Variants in ARHGEF1 observed in about 807,000 individuals in gnomAD.
ARHGEF1 encodes Rho guanine nucleotide exchange factor 1.
Under a neutral mutation model 119.7 loss-of-function variants are expected in ARHGEF1, and 40 were observed. The ratio of observed to expected loss-of-function variants is 0.33; its 90% CI spans 0.26 to 0.44. The LOEUF (loss-of-function observed/expected upper bound fraction) is 0.44. ARHGEF1 is among the 20% of genes least tolerant of loss of function. The pLI, the probability that ARHGEF1 is intolerant of heterozygous loss-of-function variation, is 1.00. For missense variants in ARHGEF1, 976 were observed against 1,268.3 expected (o/e 0.77, Z 3.50); for synonymous variants, 494 against 521.0 (o/e 0.95, Z 0.71).
downstream of ARHGEF1, chr19:41,909,053 C>T: frequency 8.1e-7 from 1 of 1,228,450 alleles, no homozygotes. The surrounding 1 kb of genome is among the most constrained non-coding windows in gnomAD (Gnocchi z 5.2). Flanking sequence ...AACCTCCAGG[C>T]TCTTACCAGA....
At position 41,905,811 on chromosome 19, in the gene ARHGEF1, G is replaced by A. The variant is rs2074684843; in HGVS notation, c.2388G>A (p.Glu796=). The A allele has an allele frequency of 1.2e-6, 2 of 1,614,060 alleles. No individual in the cohort carries two copies. Among genetic ancestry groups the A allele is most frequent in the Admixed American group, 3.3e-5 (2 of 60,002 alleles). Residue 796 remains glutamate (E), a synonymous_variant, in exon 25 of 29, where the codon GAG becomes GAA. Transcript: ENST00000354532. This position sits in a 1 kb window ranked among gnomAD's most constrained non-coding sequence, Gnocchi z 6.4. Reference sequence around the variant, plus strand: ...CTGAGAACGGCAATGGTGGCCGAGAGACGTCTCCAGCTGATGGTGAGACCA... The same window carrying A: ...CTGAGAACGGCAATGGTGGCCGAGAAACGTCTCCAGCTGATGGTGAGACCA... The part of the protein sequence containing the change: ...SSSENGNGGR[E]TSPADARTER...
downstream of ARHGEF1, among the ~76,000 whole-genome samples, chr19:41,912,448 T>A (rs1390161056): frequency 6.6e-6 from 1 of 152,198 alleles, no homozygotes; most frequent in African/African-American, 2.4e-5. Context: ...TACCCCTGAC[T>A]GGGCAGTGCC....
chr19:41,927,870 G>A (rs1326068288), intron 1 of ARHGEF1, among the ~76,000 whole-genome samples: 4 of 151,494 alleles, frequency 2.6e-5, no homozygotes, highest in Non-Finnish European at 4.4e-5. Context: ...GTTGGGCGCT[G>A]CCCCACCTGC....
At position 41,904,983 on chromosome 19, in the gene ARHGEF1, C is replaced by T. The variant is rs2145862430; in HGVS notation, c.2196C>T (p.Asp732=). The T allele has an allele frequency of 6.2e-7, 1 of 1,614,110 alleles. No individual in the cohort carries two copies. The change falls in exon 23 of 29, where the codon GAC becomes GAT. Residue 732 remains aspartate (D), a synonymous_variant. Transcript: ENST00000354532. The surrounding 1 kb of genome is among the most constrained non-coding windows in gnomAD (Gnocchi z 8.4). ...HKAFYVLFTW[D]QEAQIYELVA... The stretch of plus-strand genomic sequence containing the variant: ...CCTTCTACGTCCTTTTTACCTGGGA[C>T]CAGGAGGCCCAGATATACGAGCTGG...
intron 18 of ARHGEF1, among the ~76,000 whole-genome samples, chr19:41,915,485 C>CGTCTCTGTGTCCCCAT (rs1167207766): frequency 1.9e-4 from 29 of 151,698 alleles, no homozygotes; most frequent in African/African-American, 6.8e-4. Context: ...TGTGTCCCCA[C>CGTCTCTGTGTCCCCAT]GTCTCTGTGT....
Position 41,897,301 on chromosome 19 carries a change from C to T in ARHGEF1, c.1121+819C>T, listed in dbSNP as rs782163504. On this transcript the variant is annotated intron_variant, in intron 13 of 28. Transcript: ENST00000354532. Reference sequence around the variant, plus strand: ...TCTGGGCCCACCTCTGACCCTGTGCCCCTCTCTCCCCAGAAGGTGGAAGAG... The same window carrying T: ...TCTGGGCCCACCTCTGACCCTGTGCTCCTCTCTCCCCAGAAGGTGGAAGAG... The T allele has an allele frequency of 5.5e-6, 7 of 1,276,466 alleles. No homozygotes were observed. The South Asian group carries it at 8.7e-5, about 16-fold the overall frequency. The allele number at this position is 1,276,466 out of a possible 1,614,324, so 79.1% of individuals were successfully genotyped here.
chr19:41,885,284 C>T lies in ARHGEF1; in HGVS notation c.-20+1995C>T, dbSNP rs375042252. On this transcript the variant is annotated intron_variant, in intron 1 of 28. Coordinates refer to ENST00000354532, the MANE Select transcript of ARHGEF1 (RefSeq NM_004706.4). ...AACCCCCAAGCCTCTGTGGAGCAGC[C>T]GTATCCAACTTGCACTCCTGCCTAG... Among the ~76,000 whole-genome samples the T allele has an allele frequency of 2.8e-4, 42 of 152,282 alleles. 1 individual carries two copies. The East Asian group carries it at 5.6e-3, about 20-fold the overall frequency.
In ARHGEF1 at chr19:41,888,349, C is replaced by T; in HGVS notation, c.111+71C>T. 6.9e-7 allele frequency: 1 copy of T among 1,454,684 alleles called. No individual in the cohort carries two copies. The highest frequency in any genetic ancestry group is 9.5e-7 in the Non-Finnish European group (1 of 1,047,758). 90.1% of individuals were successfully genotyped at this position (1,454,684 alleles called of 1,614,324 possible). ...CCCGCCCCAGGTCCCCTCCCACCTG[C>T]AGATGCTGTCTTCTTGGCCTTTTCC... On this transcript the variant is annotated intron_variant, in intron 3 of 28. Coordinates refer to ENST00000354532, the MANE Select transcript of ARHGEF1 (RefSeq NM_004706.4). This position sits in a 1 kb window ranked among gnomAD's most constrained non-coding sequence, Gnocchi z 5.1.
intron 13 of ARHGEF1, chr19:41,896,683 T>C: frequency 1.4e-6 from 1 of 697,640 alleles, no homozygotes; most frequent in African/African-American, 1.8e-5. Flanking sequence ...TGCCCCCCTT[T>C]CCTTTTATCC....
rs566441557 is a variant in ARHGEF1, at chr19:41,883,999, C to A, written c.-20+710C>A. Among the ~76,000 whole-genome samples the A allele has an allele frequency of 1.3e-5, 2 of 152,230 alleles. No homozygotes were observed. The highest frequency in any genetic ancestry group is 4.1e-4 in the South Asian group (2 of 4,828). Reference sequence around the variant, plus strand: ...GCTTTTCCGGTTCCAAAGGAAGGGGCTGGGGGTGGGAGACGGAGGGGATTG... The same window carrying A: ...GCTTTTCCGGTTCCAAAGGAAGGGGATGGGGGTGGGAGACGGAGGGGATTG... On this transcript the variant is annotated intron_variant, in intron 1 of 28. Coordinates refer to ENST00000354532, the MANE Select transcript of ARHGEF1 (RefSeq NM_004706.4). The surrounding 1 kb of genome is among the most constrained non-coding windows in gnomAD (Gnocchi z 7.6).
At chr19:41,884,234 C>T in intron 1 of ARHGEF1, 1 of 611,728 alleles carries the variant, frequency 1.6e-6, no homozygotes, top group East Asian at 2.8e-5. Context: ...GCTGGCCCTC[C>T]AAGACAGGCC....
At chr19:41,907,700 C>A (rs1401313354), downstream of ARHGEF1, 1 of 319,530 alleles carries the variant, frequency 3.1e-6, no homozygotes, top group South Asian at 6.6e-5. Flanking sequence ...CTGGGCACCC[C>A]GAGTCTCACT....
Position 41,888,933 on chromosome 19 carries a change from A to C in ARHGEF1, c.225+68A>C. The stretch of plus-strand genomic sequence containing the variant: ...GACAGGCACAGCTTTTAGCGAATTA[A>C]ACCAGCGAGCTAGTGCCTGGAGGGT... On this transcript the variant is annotated intron_variant, in intron 4 of 28. Coordinates refer to ENST00000354532, the MANE Select transcript of ARHGEF1 (RefSeq NM_004706.4). This position sits in a 1 kb window ranked among gnomAD's most constrained non-coding sequence, Gnocchi z 5.1. 7.3e-7 allele frequency: 1 copy of C among 1,378,700 alleles called. No homozygotes were observed. The allele number at this position is 1,378,700 out of a possible 1,614,324, so 85.4% of individuals were successfully genotyped here. A position where few individuals can be genotyped will look rare whatever the true frequency, so the allele number is the denominator to read the frequency against.
downstream of ARHGEF1, chr19:41,910,231 C>T: frequency 1.2e-6 from 1 of 843,902 alleles, no homozygotes; most frequent in South Asian, 1.8e-5. The surrounding 1 kb of genome is among the most constrained non-coding windows in gnomAD (Gnocchi z 4.4). Context: ...CTGGTTTCCA[C>T]ACTCCAAACC....
At chr19:41,897,852 G>A (rs2074538274) in intron 13 of ARHGEF1, 1 of 1,232,478 alleles carries the variant, frequency 8.1e-7, no homozygotes, top group Admixed American at 3.7e-5. Context: ...CTCTGTCCCT[G>A]TCCTGGTTTC....
intron 1 of ARHGEF1, among the ~76,000 whole-genome samples, chr19:41,926,952 G>C (rs183144619): frequency 4.6e-5 from 7 of 152,246 alleles, no homozygotes; most frequent in African/African-American, 1.7e-4. Flanking sequence ...GAGGCAGAGA[G>C]AGAGAGATAG....
At chr19:41,929,117 C>T (rs1850229989) in intron 2 of ARHGEF1, 1 of 302,826 alleles carries the variant, frequency 3.3e-6, no homozygotes, top group South Asian at 2.5e-5. Flanking sequence ...AGTGGAAACA[C>T]AACCGGTACA....
In ARHGEF1 at chr19:41,902,499, C is replaced by G; in HGVS notation, c.1498-34C>G. ...TAGTCCCTGTTCTTGCCCATCCCCA[C>G]TGAGACACCTGCCTGGCCTGAATCT... On this transcript the variant is annotated intron_variant, in intron 16 of 28. Transcript: ENST00000354532. This position sits in a 1 kb window ranked among gnomAD's most constrained non-coding sequence, Gnocchi z 6.5. 6.2e-7 allele frequency: 1 copy of G among 1,613,678 alleles called. No homozygotes were observed. The highest frequency in any genetic ancestry group is 8.5e-7 in the Non-Finnish European group (1 of 1,179,958).
Position 41,905,388 on chromosome 19 carries a change from T to C in ARHGEF1, c.2336+127T>C. On this transcript the variant is annotated intron_variant, in intron 24 of 28. Transcript: ENST00000354532. The surrounding 1 kb of genome is among the most constrained non-coding windows in gnomAD (Gnocchi z 6.4). ...ACATGTGTGAATGCATGTGTGTGCA[T>C]ACATGTGTGTCTGTACGCAAGTATG... The C allele has an allele frequency of 1.2e-6, 1 of 812,694 alleles. No individual in the cohort carries two copies. Among genetic ancestry groups the C allele is most frequent in the East Asian group, 2.6e-5 (1 of 38,840 alleles). The allele number at this position is 812,694 out of a possible 1,614,324, so 50.3% of individuals were successfully genotyped here. A position where few individuals can be genotyped will look rare whatever the true frequency, so the allele number is the denominator to read the frequency against.
Sources: allele counts gnomAD v4.1 joint callset (sites outside exome capture counted in the v4.1 genomes callset), GRCh38; gene constraint gnomAD v4.1.1; non-coding constraint Gnocchi (gnomAD v3.1); transcripts MANE v1.5; gene names NCBI Gene and HGNC (gene_info 2026-07-23, HGNC 2026-07-21).